The following PDZK1 variants were observed in gnomAD, a reference collection of about 807,000 sequenced individuals.
The protein encoded by PDZK1 is PDZ domain containing 1.
In PDZK1, 23 loss-of-function variants were observed where a neutral mutation model predicts 38.1. The ratio of observed to expected loss-of-function variants is 0.60; its 90% CI spans 0.43 to 0.85. The LOEUF (loss-of-function observed/expected upper bound fraction) is 0.85. PDZK1 is among the 40% of genes least tolerant of loss of function. The pLI, the probability that PDZK1 is intolerant of heterozygous loss-of-function variation, is 0.00. For synonymous variants in PDZK1, 98 were observed against 186.2 expected (o/e 0.53, Z 3.86); for missense variants, 297 against 504.3 (o/e 0.59, Z 3.94).
chr1:145,674,091 T>G, intron 6 of PDZK1: 1 of 712,930 alleles, frequency 1.4e-6, no homozygotes, highest in Non-Finnish European at 1.7e-6. Context: ...TGTGTATACA[T>G]GTACACAAAT....
intron 1 of PDZK1, among the ~76,000 whole-genome samples, chr1:145,698,854 CCCGGGAG>C (rs1312289389): frequency 6.6e-6 from 1 of 152,124 alleles, no homozygotes; most frequent in Non-Finnish European, 1.5e-5. Context: ...ATTGCTTGAA[CCCGGGAG>C]GCGGGAGGCG....
intron 6 of PDZK1, among the ~76,000 whole-genome samples, chr1:145,674,737 G>C (rs1257332147): frequency 6.6e-6 from 1 of 152,106 alleles, no homozygotes; most frequent in Admixed American, 6.5e-5. Flanking sequence ...AGGGTCTCAA[G>C]CTTGAAGACA....
chr1:145,704,477 A>T (rs1053275818), intron 1 of PDZK1, among the ~76,000 whole-genome samples: 15 of 152,218 alleles, frequency 9.9e-5, no homozygotes, highest in Admixed American at 2.0e-4. Flanking sequence ...TCTGAAGATT[A>T]TCTCAATAGC....
intron 1 of PDZK1, among the ~76,000 whole-genome samples, chr1:145,696,837 G>A (rs1328758142): frequency 6.6e-6 from 1 of 152,136 alleles, no homozygotes; most frequent in African/African-American, 2.4e-5. Context: ...GAATGAGATG[G>A]CAATGTCAGT....
chr1:145,682,545 ATTCAC>A lies in PDZK1; in HGVS notation c.547_551del (p.Val183TrpfsTer10). 6.2e-7 allele frequency: 1 copy of A among 1,606,586 alleles called. No individual in the cohort carries two copies. ...GGCTGGCATCCTCTACATTCTCTCC[ATTCAC>A]TTCAATCAAGTGATCATCAGCCAGA... is the stretch of plus-strand genomic sequence containing the variant. On this transcript the variant is annotated frameshift_variant, in exon 4 of 9. Coordinates refer to ENST00000417171, the MANE Select transcript of PDZK1 (RefSeq NM_001201325.2). LOFTEE classifies it high-confidence loss of function.
chr1:145,689,759 C>T (rs1553702767), intron 1 of PDZK1, among the ~76,000 whole-genome samples: 1 of 152,096 alleles, frequency 6.6e-6, no homozygotes, highest in African/African-American at 2.4e-5. Flanking sequence ...GAACGGATGA[C>T]CACACAGGAT....
intron 1 of PDZK1, among the ~76,000 whole-genome samples, chr1:145,698,857 G>A (rs192667824): frequency 3.3e-5 from 5 of 152,066 alleles, no homozygotes; most frequent in South Asian, 2.1e-4. Context: ...GCTTGAACCC[G>A]GGAGGCGGGA....
chr1:145,676,157 C>T (rs1183387628), intron 6 of PDZK1: 7 of 984,298 alleles, frequency 7.1e-6, no homozygotes, highest in Non-Finnish European at 8.4e-6. Flanking sequence ...ACAGGGCTTA[C>T]TTTGGAGAGC....
intron 1 of PDZK1, among the ~76,000 whole-genome samples, chr1:145,701,520 A>G (rs1553704979): frequency 1.3e-5 from 2 of 152,188 alleles, no homozygotes; most frequent in African/African-American, 4.8e-5. Flanking sequence ...ACTTGTGTGC[A>G]TCTGTGTAAC....
chr1:145,674,135 G>C (rs1448856099), intron 6 of PDZK1: 32 of 977,836 alleles, frequency 3.3e-5, no homozygotes, highest in Non-Finnish European at 3.9e-5. Context: ...ATAGGATGCG[G>C]TACAAGGATC....
intron 6 of PDZK1, among the ~76,000 whole-genome samples, chr1:145,676,529 A>G (rs1322983093): frequency 6.7e-6 from 1 of 150,250 alleles, no homozygotes; most frequent in Non-Finnish European, 1.5e-5. Flanking sequence ...AGGTCAGGAG[A>G]TCGAGACCAT....
intron 1 of PDZK1, among the ~76,000 whole-genome samples, chr1:145,702,304 T>G (rs746676196): frequency 1.3e-5 from 2 of 152,044 alleles, no homozygotes; most frequent in Non-Finnish European, 2.9e-5. Context: ...TGATTGCTTA[T>G]CTAAGAGTTC....
At chr1:145,696,372 C>T (rs1655628885) in intron 1 of PDZK1, among the ~76,000 whole-genome samples, 1 of 152,260 alleles carries the variant, frequency 6.6e-6, no homozygotes. Flanking sequence ...CTGATTTTTG[C>T]CCCCAACTTC....
chr1:145,688,109 T>C (rs1654954772), intron 1 of PDZK1, 86 bp from the exon 2 acceptor site: 14 of 1,185,082 alleles, frequency 1.2e-5, no homozygotes, highest in Non-Finnish European at 1.7e-5. Context: ...CCTATAATTC[T>C]GTTCTTCCAA....
intron 5 of PDZK1, among the ~76,000 whole-genome samples, chr1:145,679,595 C>T (rs1454195593): frequency 2.0e-5 from 3 of 152,052 alleles, no homozygotes; most frequent in African/African-American, 7.3e-5. Flanking sequence ...ACATTCCTAA[C>T]CAAGTCACTT....
intron 1 of PDZK1, among the ~76,000 whole-genome samples, chr1:145,705,907 T>A (rs1656219038): frequency 6.6e-6 from 1 of 152,040 alleles, no homozygotes; most frequent in African/African-American, 2.4e-5. Context: ...CATGCCACCA[T>A]GCAGGATTAA....
intron 1 of PDZK1, among the ~76,000 whole-genome samples, chr1:145,700,154 ATC>A (rs1483714462): frequency 2.0e-5 from 3 of 152,238 alleles, no homozygotes; most frequent in Non-Finnish European, 2.9e-5. Flanking sequence ...GGGATTCTCT[ATC>A]TACTCAGTCC....
intron 5 of PDZK1, among the ~76,000 whole-genome samples, chr1:145,679,289 C>T (rs1654012139): frequency 6.6e-6 from 1 of 151,914 alleles, no homozygotes; most frequent in African/African-American, 2.4e-5. Context: ...CAGCTCTGCC[C>T]ATTCTCCATC....
intron 1 of PDZK1, among the ~76,000 whole-genome samples, chr1:145,690,952 A>G (rs1329988467): frequency 6.6e-6 from 1 of 152,222 alleles, no homozygotes; most frequent in Non-Finnish European, 1.5e-5. Context: ...AGGCTCAAGC[A>G]TTCAAGGTCA....
Sources: gnomAD v4.1 joint callset for allele counts (sites outside exome capture counted in the v4.1 genomes callset) on GRCh38, gnomAD v4.1.1 for gene constraint, MANE v1.5 for transcripts, NCBI Gene and HGNC (gene_info 2026-07-23, HGNC 2026-07-21) for gene names.